ITGA9: variants seen among roughly 807,000 people sequenced by gnomAD.
ITGA9 encodes integrin subunit alpha 9, also known as integrin alpha-9.
ITGA9 carries 56 observed loss-of-function variants against 127.8 expected under a neutral mutation model. The observed-to-expected ratio is 0.44, with a 90% CI of 0.35 to 0.55. The LOEUF is 0.55. Ranked by LOEUF, ITGA9 falls within the 20% of genes least tolerant of loss-of-function variation. The pLI, the probability that ITGA9 is intolerant of heterozygous loss-of-function variation, is 0.00. For synonymous variants in ITGA9, 508 were observed against 514.5 expected (o/e 0.99, Z 0.17); for missense variants, 1,196 against 1,347.1 (o/e 0.89, Z 1.76).
Position 37,547,449 on chromosome 3 carries a change from A to G in ITGA9, c.1689+4864A>G, listed in dbSNP as rs146760792. ...TGCCCAGGTGTTTTGGCCTGTTTCC[A>G]TTTTCATATCCAACAAAATGCCTTG... On this transcript the variant is annotated intron_variant, in intron 15 of 27. Coordinates refer to ENST00000264741, the MANE Select transcript of ITGA9 (RefSeq NM_002207.3). 6.3e-3 allele frequency among the ~76,000 whole-genome samples: 964 copies of G among 152,118 alleles called. 9 individuals are homozygous for G. The highest frequency in any genetic ancestry group is 0.024 in the Middle Eastern group (7 of 294).
chr3:37,456,487 C>A (rs1220176910), intron 1 of ITGA9, among the ~76,000 whole-genome samples: 1 of 152,196 alleles, frequency 6.6e-6, no homozygotes, highest in African/African-American at 2.4e-5. Flanking sequence ...TGCTGCCTGG[C>A]TGGCGTGCAG....
chr3:37,494,747 C>G (rs1206325114), intron 5 of ITGA9, among the ~76,000 whole-genome samples, 179 bp downstream of exon 5: 2 of 152,294 alleles, frequency 1.3e-5, no homozygotes, highest in East Asian at 3.9e-4. Flanking sequence ...AGGGCACCAG[C>G]TGGCCAGAGA....
At chr3:37,627,616 A>G (rs1010333844) in intron 15 of ITGA9, among the ~76,000 whole-genome samples, 5 of 152,212 alleles carry the variant, frequency 3.3e-5, no homozygotes, top group Admixed American at 2.6e-4. Context: ...CATGCAGTCT[A>G]TTTAATTTCA....
intron 15 of ITGA9, among the ~76,000 whole-genome samples, chr3:37,626,282 A>G (rs1160804750): frequency 1.3e-5 from 2 of 152,204 alleles, no homozygotes; most frequent in African/African-American, 4.8e-5. Flanking sequence ...CAAGAAAAGT[A>G]GTTTTGCTTC....
At chr3:37,513,143 T>C (rs1698950551) in intron 8 of ITGA9, among the ~76,000 whole-genome samples, 1 of 151,066 alleles carries the variant, frequency 6.6e-6, no homozygotes, top group Non-Finnish European at 1.5e-5. Context: ...TCCTACTTGC[T>C]TGGCCTTGTC....
chr3:37,488,613 A>G (rs545035509), intron 4 of ITGA9, among the ~76,000 whole-genome samples: 21 of 152,150 alleles, frequency 1.4e-4, no homozygotes, highest in Admixed American at 4.6e-4. Context: ...CCTGACCAAC[A>G]TGGTGAAACC....
chr3:37,776,836 T>C (rs773712389), intron 23 of ITGA9, among the ~76,000 whole-genome samples: 1 of 152,150 alleles, frequency 6.6e-6, no homozygotes, highest in Non-Finnish European at 1.5e-5. Flanking sequence ...GGCTTTAGAG[T>C]TGGACCATGA....
At chr3:37,490,509 T>C (rs1698658763) in intron 4 of ITGA9, among the ~76,000 whole-genome samples, 2 of 152,196 alleles carry the variant, frequency 1.3e-5, no homozygotes, top group African/African-American at 2.4e-5. Flanking sequence ...GACAGAACTT[T>C]CTCAAATGGG....
intron 23 of ITGA9, among the ~76,000 whole-genome samples, chr3:37,759,890 C>A (rs573943818): frequency 2.1e-5 from 3 of 146,000 alleles, no homozygotes; most frequent in South Asian, 4.3e-4. Flanking sequence ...AATGACAGAG[C>A]AAGACTCCAT....
intron 23 of ITGA9, among the ~76,000 whole-genome samples, chr3:37,761,164 C>T (rs896593621): frequency 3.3e-5 from 5 of 152,068 alleles, no homozygotes; most frequent in African/African-American, 1.2e-4. Context: ...GCAATGCAAA[C>T]TTAAAATGAG....
At chr3:37,712,769 T>C (rs1371032884) in intron 18 of ITGA9, among the ~76,000 whole-genome samples, 2 of 152,186 alleles carry the variant, frequency 1.3e-5, no homozygotes, top group African/African-American at 2.4e-5. Context: ...TCATAGAGTC[T>C]GATTGGTCCA....
intron 7 of ITGA9, among the ~76,000 whole-genome samples, chr3:37,508,230 A>G (rs1364688281): frequency 6.6e-6 from 1 of 152,242 alleles, no homozygotes; most frequent in Non-Finnish European, 1.5e-5. Flanking sequence ...AATAAAGGAA[A>G]TATTTCAAGA....
chr3:37,640,959 T>C (rs944152551), intron 16 of ITGA9, among the ~76,000 whole-genome samples: 1 of 152,164 alleles, frequency 6.6e-6, no homozygotes, highest in Non-Finnish European at 1.5e-5. Flanking sequence ...TTCCTGGTGT[T>C]GTGAGGAGAG....
chr3:37,666,446 G>C (rs976774620), intron 17 of ITGA9, among the ~76,000 whole-genome samples: 1 of 152,212 alleles, frequency 6.6e-6, no homozygotes, highest in African/African-American at 2.4e-5. Flanking sequence ...TTGAGGCTAG[G>C]CTCAGCTGTT....
intron 27 of ITGA9, among the ~76,000 whole-genome samples, chr3:37,810,421 T>G (rs1697352769): frequency 6.6e-6 from 1 of 150,380 alleles, no homozygotes; most frequent in Non-Finnish European, 1.5e-5. Flanking sequence ...CCTAGTCTGT[T>G]TCTTTTTTTT....
At chr3:37,620,889 T>A (rs1340499402) in intron 15 of ITGA9, among the ~76,000 whole-genome samples, 1 of 152,084 alleles carries the variant, frequency 6.6e-6, no homozygotes, top group Non-Finnish European at 1.5e-5. Context: ...TTGCTCACAC[T>A]CCTCCTATTT....
Position 37,741,802 on chromosome 3 carries a change from G to A in ITGA9, c.2307G>A (p.Val769=). 1.2e-6 allele frequency: 2 copies of A among 1,613,492 alleles called. No individual in the cohort carries two copies. ...TGATGGTGCCACTGATGCACGAGGT[G>A]GACACGTCCATCACCGGGTGAGTAG... ...LVLMVPLMHE[V]DTSITGIMSP... is the part of the protein sequence containing the mutation. Residue 769 remains valine, a synonymous_variant, in exon 21 of 28, where the codon GTG becomes GTA. Coordinates refer to ENST00000264741, the MANE Select transcript of ITGA9 (RefSeq NM_002207.3).
At chr3:37,661,778 CA>C (rs1327922540) in intron 17 of ITGA9, among the ~76,000 whole-genome samples, 1 of 152,236 alleles carries the variant, frequency 6.6e-6, no homozygotes, top group Non-Finnish European at 1.5e-5. Flanking sequence ...GTGAGCAGAG[CA>C]AGAGGCTGGG....
intron 18 of ITGA9, among the ~76,000 whole-genome samples, chr3:37,691,288 C>T (rs1295667251): frequency 6.6e-6 from 1 of 152,068 alleles, no homozygotes; most frequent in Non-Finnish European, 1.5e-5. Flanking sequence ...GTGGGTTGGT[C>T]TGATAGAGCC....
Sources: gnomAD v4.1 joint callset for allele counts (sites outside exome capture counted in the v4.1 genomes callset) on GRCh38, gnomAD v4.1.1 for gene constraint, MANE v1.5 for transcripts, NCBI Gene and HGNC (gene_info 2026-07-23, HGNC 2026-07-21) for gene names.